Variants in TCF4 observed in about 807,000 individuals in gnomAD.
TCF4 encodes SL3-3 enhancer factor 2.
Under a neutral mutation model 82.1 loss-of-function variants are expected in TCF4, and 3 were observed. The ratio of observed to expected loss-of-function variants is 0.04; its 90% CI spans 0.02 to 0.09. The LOEUF (loss-of-function observed/expected upper bound fraction) is 0.09. Ranked by LOEUF, TCF4 falls within the 10% of genes least tolerant of loss-of-function variation. The pLI, the probability that TCF4 is intolerant of heterozygous loss-of-function variation, is 1.00. For synonymous variants in TCF4, 276 were observed against 309.6 expected (o/e 0.89, Z 1.14); for missense variants, 518 against 852.7 (o/e 0.61, Z 4.89).
intron 8 of TCF4, among the ~76,000 whole-genome samples, chr18:55,286,627 G>A (rs1277617060): frequency 2.6e-5 from 4 of 152,170 alleles, no homozygotes; most frequent in Admixed American, 6.5e-5. Context: ...ACTGTAAGGC[G>A]TCAAGGCAGT....
At chr18:55,427,326 G>A (rs2095031421) in intron 5 of TCF4, among the ~76,000 whole-genome samples, 1 of 152,172 alleles carries the variant, frequency 6.6e-6, no homozygotes, top group African/African-American at 2.4e-5. Flanking sequence ...ATAGCTAGCT[G>A]TATGAGTGTC....
At chr18:55,566,460 T>C (rs532006359) in intron 3 of TCF4, among the ~76,000 whole-genome samples, 2 of 151,808 alleles carry the variant, frequency 1.3e-5, no homozygotes, top group Non-Finnish European at 2.9e-5. Context: ...ACAAAAACTG[T>C]CATAAATACA....
chr18:55,621,820 T>A (rs1296095917), intron 2 of TCF4, among the ~76,000 whole-genome samples: 1 of 75,906 alleles, frequency 1.3e-5, no homozygotes, highest in Non-Finnish European at 2.4e-5. Flanking sequence ...TATATTATAT[T>A]ATATAATATA....
intron 6 of TCF4, among the ~76,000 whole-genome samples, chr18:55,361,940 A>C (rs2085302680): frequency 6.6e-6 from 1 of 152,208 alleles, no homozygotes; most frequent in Admixed American, 6.5e-5. Context: ...ATTATCTGAA[A>C]AATATTCGAA....
At chr18:55,615,499 C>T (rs946069054) in intron 2 of TCF4, among the ~76,000 whole-genome samples, 2 of 151,906 alleles carry the variant, frequency 1.3e-5, no homozygotes, top group Non-Finnish European at 2.9e-5. Context: ...CCTTCATTTC[C>T]AATCTTGATG....
At chr18:55,302,503 G>A (rs988062114) in intron 8 of TCF4, 5 of 1,535,968 alleles carry the variant, frequency 3.3e-6, no homozygotes, top group Non-Finnish European at 4.4e-6. Context: ...GTTGTTTGCT[G>A]ATTGGTCAGA....
chr18:55,508,376 A>G (rs1054363507), intron 3 of TCF4, among the ~76,000 whole-genome samples: 18 of 152,164 alleles, frequency 1.2e-4, no homozygotes, highest in Non-Finnish European at 2.1e-4. Context: ...TGGGTTTTGA[A>G]TGTTAATATT....
chr18:55,531,299 G>C (rs1320854995), intron 3 of TCF4, among the ~76,000 whole-genome samples: 1 of 152,038 alleles, frequency 6.6e-6, no homozygotes, highest in Non-Finnish European at 1.5e-5. Flanking sequence ...TCATTATGCT[G>C]GATAAAAAGT....
chr18:55,385,809 A>C (rs2092547124), intron 6 of TCF4, among the ~76,000 whole-genome samples: 1 of 152,200 alleles, frequency 6.6e-6, no homozygotes, highest in South Asian at 2.1e-4. Context: ...ATTCACAGCA[A>C]AGTTCTGCTC....
chr18:55,632,036 G>T (rs1040144795), intron 1 of TCF4, among the ~76,000 whole-genome samples: 3 of 151,982 alleles, frequency 2.0e-5, no homozygotes, highest in Non-Finnish European at 4.4e-5. Context: ...TGTTGTTGTT[G>T]TTTTTGTTTT....
intron 2 of TCF4, chr18:55,596,325 T>A: frequency 2.0e-4 from 53 of 260,576 alleles, no homozygotes; most frequent in Middle Eastern, 4.3e-4. Context: ...TGGTCTACTT[T>A]TGTTTAAATC....
intron 15 of TCF4, among the ~76,000 whole-genome samples, chr18:55,253,928 T>C (rs1186831123): frequency 6.6e-6 from 1 of 152,232 alleles, no homozygotes. Context: ...AACATGTGTC[T>C]GCACAAAAAC....
chr18:55,446,398 A>G (rs1265917485), intron 5 of TCF4, among the ~76,000 whole-genome samples: 1 of 152,106 alleles, frequency 6.6e-6, no homozygotes, highest in African/African-American at 2.4e-5. Context: ...AGCTGAACCC[A>G]TGTTTAGCTG....
chr18:55,346,314 A>T (rs1369306490), intron 8 of TCF4, among the ~76,000 whole-genome samples: 1 of 152,180 alleles, frequency 6.6e-6, no homozygotes, highest in East Asian at 1.9e-4. Flanking sequence ...CTAATGTCAC[A>T]AATATTCTTG....
chr18:55,553,480 C>T (rs913211364), intron 3 of TCF4: 1 of 152,264 alleles, frequency 6.6e-6, no homozygotes, highest in African/African-American at 2.4e-5. Flanking sequence ...ATCAAACATA[C>T]GTCATCCTGA....
chr18:55,560,782 G>A (rs1430486423), intron 3 of TCF4, among the ~76,000 whole-genome samples: 3 of 152,002 alleles, frequency 2.0e-5, no homozygotes, highest in Non-Finnish European at 2.9e-5. Context: ...TGAAGTATGT[G>A]TCTATCTGTG....
intron 6 of TCF4, among the ~76,000 whole-genome samples, chr18:55,389,934 G>A (rs1412489248): frequency 2.6e-5 from 4 of 152,010 alleles, no homozygotes; most frequent in Non-Finnish European, 5.9e-5. Flanking sequence ...GAGGGAGACC[G>A]AGCAGTCTCA....
intron 6 of TCF4, among the ~76,000 whole-genome samples, chr18:55,386,624 G>A (rs2092629564): frequency 6.6e-6 from 1 of 152,106 alleles, no homozygotes; most frequent in Non-Finnish European, 1.5e-5. Context: ...AAACAATACA[G>A]GAGCATATCA....
intron 5 of TCF4, among the ~76,000 whole-genome samples, chr18:55,419,927 C>A (rs1424152682): frequency 6.6e-6 from 1 of 152,160 alleles, no homozygotes; most frequent in Non-Finnish European, 1.5e-5. Flanking sequence ...CTTAGTGGAA[C>A]CCCTTCTTTA....
Sources: gnomAD v4.1 joint callset for allele counts (sites outside exome capture counted in the v4.1 genomes callset) on GRCh38, gnomAD v4.1.1 for gene constraint, MANE v1.5 for transcripts, NCBI Gene and HGNC (gene_info 2026-07-23, HGNC 2026-07-21) for gene names.